The following LRP1B variants were observed in gnomAD, a reference collection of about 807,000 sequenced individuals.
LRP1B encodes the protein LDL receptor related protein 1B.
Under a neutral mutation model 556.6 loss-of-function variants are expected in LRP1B, and 217 were observed. The ratio of observed to expected loss-of-function variants is 0.39; its 90% CI spans 0.35 to 0.44. The LOEUF (loss-of-function observed/expected upper bound fraction) is 0.44. LRP1B is among the 20% of genes least tolerant of loss of function. LRP1B has a pLI of 1.00. For synonymous variants in LRP1B, 2,047 were observed against 1,865.8 expected (o/e 1.10, Z -2.50); for missense variants, 5,053 against 5,620.8 (o/e 0.90, Z 3.23).
At chr2:141,436,561 C>T (rs1680772799) in intron 3 of LRP1B, among the ~76,000 whole-genome samples, 1 of 20,280 alleles carries the variant, frequency 4.9e-5, no homozygotes, top group African/African-American at 1.5e-4. Flanking sequence ...ATTGTTTTCA[C>T]CAGTTAAATT....
chr2:140,816,539 G>C (rs192483005), intron 31 of LRP1B, among the ~76,000 whole-genome samples: 1 of 152,090 alleles, frequency 6.6e-6, no homozygotes, highest in African/African-American at 2.4e-5. Context: ...ATATTGAATA[G>C]CTTCAAATTA....
intron 51 of LRP1B, among the ~76,000 whole-genome samples, chr2:140,510,540 G>C (rs1047359820): frequency 1.3e-5 from 2 of 152,150 alleles, no homozygotes; most frequent in African/African-American, 4.8e-5. Context: ...GCTCGGGGAA[G>C]TTGAAAAGCT....
intron 20 of LRP1B, among the ~76,000 whole-genome samples, chr2:140,926,891 T>C (rs866539547): frequency 1.3e-5 from 2 of 152,304 alleles, no homozygotes; most frequent in Middle Eastern, 3.4e-3. Flanking sequence ...TCTCCCATCC[T>C]GTGTAACTTG....
At chr2:140,806,283 A>G (rs892322515) in intron 32 of LRP1B, among the ~76,000 whole-genome samples, 1 of 152,168 alleles carries the variant, frequency 6.6e-6, no homozygotes, top group African/African-American at 2.4e-5. Context: ...ACATACAAAT[A>G]TATAAATAAA....
intron 6 of LRP1B, among the ~76,000 whole-genome samples, chr2:141,217,533 C>A (rs1446840028): frequency 6.6e-6 from 1 of 151,990 alleles, no homozygotes; most frequent in Non-Finnish European, 1.5e-5. Context: ...ACCAGCTAAC[C>A]ATATGGAAAA....
chr2:141,790,158 G>A (rs1167565273), intron 2 of LRP1B, among the ~76,000 whole-genome samples: 1 of 151,704 alleles, frequency 6.6e-6, no homozygotes, highest in African/African-American at 2.4e-5. Context: ...TTTGTCCCTG[G>A]AGATAAACTT....
intron 41 of LRP1B, among the ~76,000 whole-genome samples, chr2:140,643,943 A>G (rs778757418): frequency 6.6e-6 from 1 of 152,228 alleles, no homozygotes; most frequent in Non-Finnish European, 1.5e-5. Flanking sequence ...TATGTCCAAA[A>G]TAATGTTGAA....
At chr2:140,980,114 A>G (rs1172347508) in intron 18 of LRP1B, among the ~76,000 whole-genome samples, 1 of 152,092 alleles carries the variant, frequency 6.6e-6, no homozygotes, top group African/African-American at 2.4e-5. Context: ...AAAAAAGAAA[A>G]AAAGAGAAAA....
intron 57 of LRP1B, among the ~76,000 whole-genome samples, chr2:140,490,578 C>T (rs901011038): frequency 6.6e-6 from 1 of 151,974 alleles, no homozygotes; most frequent in Non-Finnish European, 1.5e-5. Flanking sequence ...AGAAAATGTG[C>T]AGAGATAATT....
chr2:141,489,552 T>C (rs1056190194), intron 2 of LRP1B, among the ~76,000 whole-genome samples: 19 of 152,064 alleles, frequency 1.2e-4, no homozygotes, highest in African/African-American at 3.6e-4. Context: ...TAGTATATAA[T>C]ATAAAGATAG....
chr2:140,511,395 G>A (rs979740060), intron 51 of LRP1B, among the ~76,000 whole-genome samples: 2 of 130,488 alleles, frequency 1.5e-5, no homozygotes, highest in African/African-American at 2.9e-5. Context: ...TCCGCCTCCC[G>A]GGTTCACGCC....
chr2:140,432,156 C>T (rs1685973386), intron 66 of LRP1B, among the ~76,000 whole-genome samples: 1 of 151,832 alleles, frequency 6.6e-6, no homozygotes, highest in Non-Finnish European at 1.5e-5. Flanking sequence ...AATTCCTTCT[C>T]CTGGCCCATC....
At chr2:141,709,099 A>G (rs1410137873) in intron 2 of LRP1B, among the ~76,000 whole-genome samples, 7 of 152,062 alleles carry the variant, frequency 4.6e-5, no homozygotes, top group Admixed American at 3.3e-4. Flanking sequence ...GCTTGTAATC[A>G]CAGTACTTTG....
At chr2:140,437,984 A>T (rs1686259576) in intron 66 of LRP1B, among the ~76,000 whole-genome samples, 1 of 152,206 alleles carries the variant, frequency 6.6e-6, no homozygotes, top group Admixed American at 6.5e-5. Flanking sequence ...GATACTTGTT[A>T]TATAACAAGT....
intron 41 of LRP1B, among the ~76,000 whole-genome samples, chr2:140,646,903 T>C (rs1233058847): frequency 1.3e-5 from 2 of 152,060 alleles, no homozygotes; most frequent in East Asian, 3.9e-4. Context: ...TATGTACATA[T>C]GTATGTGTTC....
chr2:141,427,704 G>T (rs1428112967), intron 3 of LRP1B, among the ~76,000 whole-genome samples: 3 of 151,986 alleles, frequency 2.0e-5, no homozygotes, highest in South Asian at 2.1e-4. Context: ...GACTTTGGTT[G>T]GTTGGTTAAT....
chr2:141,919,308 T>A (rs1700117947), intron 1 of LRP1B, among the ~76,000 whole-genome samples: 1 of 152,082 alleles, frequency 6.6e-6, no homozygotes, highest in South Asian at 2.1e-4. Context: ...TTGTAAATGA[T>A]GATATATGTA....
chr2:140,403,982 G>T (rs1382298018), intron 66 of LRP1B, among the ~76,000 whole-genome samples: 10 of 152,004 alleles, frequency 6.6e-5, no homozygotes, highest in Non-Finnish European at 1.5e-4. Context: ...TCTTTAAACA[G>T]AATAACTGTC....
At chr2:141,677,506 T>C (rs1690930682) in intron 2 of LRP1B, among the ~76,000 whole-genome samples, 1 of 152,198 alleles carries the variant, frequency 6.6e-6, no homozygotes, top group African/African-American at 2.4e-5. Context: ...ATATTTTTTT[T>C]TGAGATGGAA....
Sources: allele counts gnomAD v4.1 joint callset (sites outside exome capture counted in the v4.1 genomes callset), GRCh38; gene constraint gnomAD v4.1.1; transcripts MANE v1.5; gene names NCBI Gene and HGNC (gene_info 2026-07-23, HGNC 2026-07-21).